AQR: variants seen among roughly 807,000 people sequenced by gnomAD.
The protein encoded by AQR is RNA helicase aquarius.
A neutral mutation model predicts 180.5 loss-of-function variants in AQR; 61 were observed. That is an observed-to-expected ratio of 0.34 (90% CI 0.28 to 0.42). The LOEUF is 0.42. Among genes scored for constraint, AQR ranks in the 10% least tolerant of loss-of-function variants. The pLI is 1.00. For synonymous variants in AQR, 551 were observed against 588.8 expected (o/e 0.94, Z 0.93); for missense variants, 1,281 against 1,798.3 (o/e 0.71, Z 5.20).
chr15:34,891,825 A>G (rs1197831472), intron 23 of AQR, among the ~76,000 whole-genome samples: 1 of 152,110 alleles, frequency 6.6e-6, no homozygotes, highest in Non-Finnish European at 1.5e-5. Context: ...CAAATTCAGT[A>G]TATTAGATGC....
At chr15:34,862,297 GA>G (rs1405865250) in intron 33 of AQR, among the ~76,000 whole-genome samples, 2 of 152,104 alleles carry the variant, frequency 1.3e-5, no homozygotes, top group Non-Finnish European at 2.9e-5. Context: ...ACAGTATAAT[GA>G]TAAATAACAT....
chr15:34,937,034 C>A lies in AQR; in HGVS notation c.718+1703G>T, dbSNP rs1164073738. 2.0e-5 allele frequency among the ~76,000 whole-genome samples: 3 copies of A among 152,042 alleles called. No homozygotes were observed. In the East Asian group the frequency reaches 5.8e-4, roughly 29 times the overall value. ...GAGACTTAAGATTATAAGCATAAAA[C>A]GTTTTCTTTCTTTTCTTTTTTGAGA... On this transcript the variant is annotated intron_variant, in intron 9 of 34. Transcript: ENST00000156471.
chr15:34,864,384 C>T (rs16959959), intron 32 of AQR, among the ~76,000 whole-genome samples: 4,297 of 152,116 alleles, frequency 0.028, 201 homozygotes, highest in African/African-American at 0.094. Context: ...TTACAGAAAC[C>T]TTGAGGAATC....
intron 13 of AQR, among the ~76,000 whole-genome samples, chr15:34,924,919 TA>T (rs34745223): frequency 0.73 from 98,066 of 133,916 alleles, 35,908 homozygotes; most frequent in Middle Eastern, 0.85. Flanking sequence ...AAGCTAAATG[TA>T]AAAAAAAAAA....
chr15:34,927,067 C>T lies in AQR; in HGVS notation c.1086G>A (p.Arg362=), dbSNP rs569839277. ...ALSNVAEVDT[R]ESLVKFFGPL... is the part of the protein sequence containing the mutation. Reference sequence around the variant, plus strand: ...GTCCAAAAAACTTGACCAAGGACTCCCGAGTATCTACTTCTGCCACATTTG... The same window carrying T: ...GTCCAAAAAACTTGACCAAGGACTCTCGAGTATCTACTTCTGCCACATTTG... Residue 362 remains arginine (R), a synonymous_variant, in exon 13 of 35, where the codon CGG becomes CGA. Coordinates refer to ENST00000156471, the MANE Select transcript of AQR (RefSeq NM_014691.3). 2.6e-5 allele frequency: 42 copies of T among 1,595,814 alleles called. No homozygotes were observed. The South Asian group carries it at 3.7e-4, about 14-fold the overall frequency.
chr15:34,960,023 A>G (rs2050265373), intron 3 of AQR, among the ~76,000 whole-genome samples: 1 of 152,182 alleles, frequency 6.6e-6, no homozygotes, highest in Admixed American at 6.5e-5. Context: ...TTCAAATACC[A>G]CTGTGCTTAC....
At chr15:34,858,286 T>G (rs1595778134) in intron 34 of AQR, among the ~76,000 whole-genome samples, 1 of 139,072 alleles carries the variant, frequency 7.2e-6, no homozygotes, top group South Asian at 2.3e-4. Flanking sequence ...GCCTGGCCTT[T>G]AAGATTTTTA....
At position 34,870,506 on chromosome 15, in the gene AQR, A is replaced by C. The variant is rs1218644979; in HGVS notation, c.3768+246T>G. Among the ~76,000 whole-genome samples, 4 of 152,268 alleles carry C rather than the reference A, an allele frequency of 2.6e-5. No homozygotes were observed. In the East Asian group the frequency reaches 7.7e-4, roughly 29 times the overall value. On this transcript the variant is annotated intron_variant, in intron 31 of 34. Transcript: ENST00000156471. ...ATATTATAATGTAATTTTGTTATATATCATTTTATGAACAAAAAGTTTCAG... is the reference window on the plus strand; with the variant it reads ...ATATTATAATGTAATTTTGTTATATCTCATTTTATGAACAAAAAGTTTCAG...
Position 34,928,683 on chromosome 15 carries a change from T to C in AQR, c.1015-1545A>G, listed in dbSNP as rs550293755. Among the ~76,000 whole-genome samples the C allele has an allele frequency of 3.9e-5, 6 of 152,332 alleles. No homozygotes were observed. In the South Asian group the frequency reaches 1.2e-3, roughly 32 times the overall value. On this transcript the variant is annotated intron_variant, in intron 12 of 34. Coordinates refer to ENST00000156471, the MANE Select transcript of AQR (RefSeq NM_014691.3). Reference sequence around the variant, plus strand: ...TGTGCCTGTATAGCAGAATGATTTATATTCTTTAGGGTATATACCCAGTAA... The same window carrying C: ...TGTGCCTGTATAGCAGAATGATTTACATTCTTTAGGGTATATACCCAGTAA...
At chr15:34,945,013 T>C (rs1248435908) in intron 5 of AQR, among the ~76,000 whole-genome samples, 1 of 152,210 alleles carries the variant, frequency 6.6e-6, no homozygotes, top group Non-Finnish European at 1.5e-5. Context: ...GGCTGTCAAG[T>C]CCTATGGACC....
At chr15:34,948,152 AT>A (rs1484902518) in intron 5 of AQR, 111 bp downstream of exon 5, 21 of 1,211,446 alleles carry the variant, frequency 1.7e-5, no homozygotes, top group Non-Finnish European at 2.3e-5. Context: ...TATTTGCTTT[AT>A]TACTGGGTAA....
intron 16 of AQR, among the ~76,000 whole-genome samples, chr15:34,912,410 TTTAC>T (rs1893514637): frequency 6.6e-6 from 1 of 152,166 alleles, no homozygotes; most frequent in Non-Finnish European, 1.5e-5. Flanking sequence ...GAAGGACCTC[TTTAC>T]TTAGTTTTAT....
chr15:34,938,921 T>C, intron 8 of AQR, 108 bp from the exon 9 acceptor site: 1 of 756,214 alleles, frequency 1.3e-6, no homozygotes, highest in Non-Finnish European at 2.2e-6. Context: ...TGTTCATTTC[T>C]TTGTGAAGCT....
rs1410926976 is a variant in AQR, at chr15:34,884,722, A to G, written c.2830T>C (p.Trp944Arg). The change falls in exon 26 of 35, where the codon TGG becomes CGG. Residue 944 changes from tryptophan to arginine, a missense_variant. Coordinates refer to ENST00000156471, the MANE Select transcript of AQR (RefSeq NM_014691.3). The stretch of plus-strand genomic sequence containing the variant: ...TTCACTTTGCTGATATACTCTTCCC[A>G]GCGAGACATTACCTGTAGAAAAAAG... ...YFFLYQVMSR[W>R]EEYISKVKNK... 1 of 1,600,696 alleles carries G rather than the reference A, an allele frequency of 6.2e-7. No homozygotes were observed. Among genetic ancestry groups the G allele is most frequent in the South Asian group, 1.1e-5 (1 of 87,484 alleles).
At chr15:34,864,252 C>A (rs114628532) in intron 32 of AQR, among the ~76,000 whole-genome samples, 1 of 151,932 alleles carries the variant, frequency 6.6e-6, no homozygotes, top group Non-Finnish European at 1.5e-5. Context: ...CATATGCTAT[C>A]ACTTATATTC....
rs1893324681 is a variant in AQR at position 34,901,009 on chromosome 15, G to C, written c.2002-146C>G. ...ATTTTCCGCTGGCTGACAGGTGCTT[G>C]GCTAGACTGAATCAACAGCTATATT... On this transcript the variant is annotated intron_variant, in intron 19 of 34. Transcript: ENST00000156471. The C allele has an allele frequency of 4.8e-6, 5 of 1,036,456 alleles. No homozygotes were observed. The Admixed American group carries it at 1.5e-4, about 30-fold the overall frequency. The allele number at this position is 1,036,456 out of a possible 1,614,324, so 64.2% of individuals were successfully genotyped here.
Position 34,930,290 on chromosome 15 carries a change from T to C in AQR, c.982A>G (p.Thr328Ala). The C allele has an allele frequency of 6.2e-7, 1 of 1,606,478 alleles. No homozygotes were observed. The highest frequency in any genetic ancestry group is 8.5e-7 in the Non-Finnish European group (1 of 1,173,916). The change falls in exon 12 of 35, where the codon ACA becomes GCA. Residue 328 changes from threonine to alanine, a missense_variant. Around this residue, in one of 9 missense-constraint regions of AQR, gnomAD observed 404 missense variants for 490.9 expected, o/e 0.82. Transcript: ENST00000156471. The part of the protein sequence containing the change: ...GNALTENEMT[T>A]IHYDRITSLQ... ...GAAGTAATTCTATCATAGTGAATTGTGGTCATCTCATTCTCTGTCAGAGCA... is the reference window on the plus strand; with the variant it reads ...GAAGTAATTCTATCATAGTGAATTGCGGTCATCTCATTCTCTGTCAGAGCA...
rs4923818 is a variant in AQR at position 34,893,311 on chromosome 15, G to A, written c.2571+352C>T. On this transcript the variant is annotated intron_variant, in intron 23 of 34. Transcript: ENST00000156471. Reference sequence around the variant, plus strand: ...CGCACAATATAAACTACCCCGATTGGCTAAAACTTAAGCTTTTCTAAATAT... The same window carrying A: ...CGCACAATATAAACTACCCCGATTGACTAAAACTTAAGCTTTTCTAAATAT... Among the ~76,000 whole-genome samples, 65 of 151,872 alleles carry A rather than the reference G, an allele frequency of 4.3e-4. 1 individual carries two copies. In the East Asian group the frequency reaches 0.012, roughly 29 times the overall value.
chr15:34,886,689 A>T (rs752869451), intron 24 of AQR, 28 bp from the exon 25 acceptor site: 4 of 1,588,246 alleles, frequency 2.5e-6, no homozygotes, highest in Non-Finnish European at 3.4e-6. Context: ...GCAAAATGAC[A>T]AAACTGTAAT....
Sources: allele counts gnomAD v4.1 joint callset (sites outside exome capture counted in the v4.1 genomes callset), GRCh38; gene constraint gnomAD v4.1.1; regional missense constraint gnomAD v4.1.1; transcripts MANE v1.5; gene names NCBI Gene and HGNC (gene_info 2026-07-23, HGNC 2026-07-21).